Variants in RORA observed in about 807,000 individuals in gnomAD.
RORA encodes RAR related orphan receptor A, also known as nuclear receptor ROR-alpha.
Under a neutral mutation model 69.5 loss-of-function variants are expected in RORA, and 7 were observed. That is an observed-to-expected ratio of 0.10 (90% confidence interval 0.06 to 0.19). RORA has a LOEUF of 0.19. Ranked by LOEUF, RORA falls within the 10% of genes least tolerant of loss-of-function variation. The pLI is 1.00. For missense variants in RORA, 457 were observed against 663.0 expected (o/e 0.69, Z 3.41); for synonymous variants, 261 against 240.8 (o/e 1.08, Z -0.78).
intron 1 of RORA, among the ~76,000 whole-genome samples, chr15:60,731,495 G>T (rs1477946781): frequency 6.6e-6 from 1 of 152,178 alleles, no homozygotes; most frequent in African/African-American, 2.4e-5. Flanking sequence ...ACAGAAAAAA[G>T]TCAAAACAGC....
chr15:60,774,114 C>A (rs1290016247), intron 1 of RORA, among the ~76,000 whole-genome samples: 2 of 152,210 alleles, frequency 1.3e-5, no homozygotes, highest in Non-Finnish European at 2.9e-5. Context: ...TGGCCTGACT[C>A]AGACTGGAGG....
At chr15:60,635,990 G>A (rs2069831548) in intron 2 of RORA, among the ~76,000 whole-genome samples, 1 of 152,112 alleles carries the variant, frequency 6.6e-6, no homozygotes, top group Admixed American at 6.5e-5. Flanking sequence ...GGTAGCAGTG[G>A]TAGTGGTTAT....
intron 2 of RORA, among the ~76,000 whole-genome samples, chr15:60,662,623 G>A (rs955334381): frequency 6.9e-6 from 1 of 145,136 alleles, no homozygotes; most frequent in African/African-American, 2.6e-5. Context: ...AAATCCTAAC[G>A]AAGAACCTTA....
rs554357978 is a variant in RORA, at chr15:60,591,828, G to C, written c.197-59977C>G. Among the ~76,000 whole-genome samples, 799 of 152,094 alleles carry C rather than the reference G, an allele frequency of 5.3e-3. 3 individuals carry two copies. Among genetic ancestry groups the C allele is most frequent in the Middle Eastern group, 0.014 (4 of 290 alleles). ...AGCGCGGGACACAGCGCGGACCTGC[G>C]GCACTTGCCCGGCCGGCGGCCGCTG... On this transcript the variant is annotated intron_variant, in intron 2 of 10. Coordinates refer to ENST00000335670, the MANE Select transcript of RORA (RefSeq NM_134261.3).
chr15:60,535,786 A>G (rs2066657271), intron 2 of RORA, among the ~76,000 whole-genome samples: 1 of 152,156 alleles, frequency 6.6e-6, no homozygotes, highest in Admixed American at 6.5e-5. Flanking sequence ...TATAATAATA[A>G]TATCTACATG....
rs575633587 is a variant in RORA at position 61,154,597 on chromosome 15, C to G, written c.166+74456G>C. On this transcript the variant is annotated intron_variant, in intron 1 of 10. Coordinates refer to ENST00000335670, the MANE Select transcript of RORA (RefSeq NM_134261.3). Reference sequence around the variant, plus strand: ...GAGCCATTTGTTGCTAAGAGTAGTACAAATTTTAAAGTTTCAAAATAATTA... The same window carrying G: ...GAGCCATTTGTTGCTAAGAGTAGTAGAAATTTTAAAGTTTCAAAATAATTA... Among the ~76,000 whole-genome samples the G allele has an allele frequency of 3.9e-5, 6 of 152,262 alleles. No individual in the cohort carries two copies. In the South Asian group the frequency reaches 1.2e-3, roughly 32 times the overall value.
chr15:60,610,751 C>A (rs201304342), intron 2 of RORA, among the ~76,000 whole-genome samples: 25 of 151,998 alleles, frequency 1.6e-4, no homozygotes, highest in East Asian at 1.2e-3. Flanking sequence ...GGAAAAAAAA[C>A]CCCAAAAACC....
intron 2 of RORA, among the ~76,000 whole-genome samples, chr15:60,594,204 G>C (rs1479859875): frequency 6.6e-6 from 1 of 152,162 alleles, no homozygotes; most frequent in Non-Finnish European, 1.5e-5. Flanking sequence ...AGTTTCAAAT[G>C]AATCAGCCAT....
intron 2 of RORA, among the ~76,000 whole-genome samples, chr15:60,671,424 A>G (rs1195864333): frequency 6.6e-6 from 1 of 152,050 alleles, no homozygotes; most frequent in Non-Finnish European, 1.5e-5. Context: ...CATTAAGTAG[A>G]CATCAGTTCT....
At chr15:60,947,376 T>A (rs1236381250) in intron 1 of RORA, among the ~76,000 whole-genome samples, 1 of 152,174 alleles carries the variant, frequency 6.6e-6, no homozygotes, top group African/African-American at 2.4e-5. Flanking sequence ...GGGATGCTGT[T>A]GATCTTTGAC....
At chr15:60,522,198 ACT>A (rs1167727332) in intron 3 of RORA, among the ~76,000 whole-genome samples, 1 of 152,198 alleles carries the variant, frequency 6.6e-6, no homozygotes, top group Non-Finnish European at 1.5e-5. Context: ...TGATTATTTT[ACT>A]GTTATCAATG....
At chr15:60,887,785 C>T (rs2073767848) in intron 1 of RORA, among the ~76,000 whole-genome samples, 1 of 152,144 alleles carries the variant, frequency 6.6e-6, no homozygotes, top group Admixed American at 6.5e-5. Flanking sequence ...GAATCATGAC[C>T]TTGCCGGCAC....
chr15:60,943,455 A>G (rs1313249117), intron 1 of RORA, among the ~76,000 whole-genome samples: 1 of 152,062 alleles, frequency 6.6e-6, no homozygotes, highest in African/African-American at 2.4e-5. Flanking sequence ...TTATTTCTTG[A>G]TCAGGGTTTT....
intron 1 of RORA, among the ~76,000 whole-genome samples, chr15:61,022,808 T>C (rs1250990075): frequency 1.3e-5 from 2 of 152,124 alleles, no homozygotes; most frequent in Non-Finnish European, 2.9e-5. Context: ...AGGTTGAACA[T>C]AAATGCAGGT....
intron 1 of RORA, among the ~76,000 whole-genome samples, chr15:60,711,722 G>A (rs1400180867): frequency 6.6e-6 from 1 of 152,156 alleles, no homozygotes; most frequent in African/African-American, 2.4e-5. Flanking sequence ...TTCAGCTCAA[G>A]GGCTTAAGAA....
chr15:60,823,814 A>AT (rs1164355167), intron 1 of RORA, among the ~76,000 whole-genome samples: 1 of 152,216 alleles, frequency 6.6e-6, no homozygotes, highest in Non-Finnish European at 1.5e-5. Context: ...TAAAAAAAAA[A>AT]ATCAATGTAA....
At chr15:60,719,687 C>T (rs575971137) in intron 1 of RORA, among the ~76,000 whole-genome samples, 18 of 152,284 alleles carry the variant, frequency 1.2e-4, no homozygotes, top group African/African-American at 3.4e-4. Flanking sequence ...TGCTGCTGCT[C>T]CACAGAACTG....
At chr15:60,548,401 G>A (rs1432384725) in intron 2 of RORA, among the ~76,000 whole-genome samples, 3 of 151,658 alleles carry the variant, frequency 2.0e-5, no homozygotes, top group East Asian at 1.9e-4. Context: ...CTGGCATTTC[G>A]GGCACTGTGC....
At chr15:60,564,179 T>G (rs1346157090) in intron 2 of RORA, among the ~76,000 whole-genome samples, 1 of 152,234 alleles carries the variant, frequency 6.6e-6, no homozygotes, top group Non-Finnish European at 1.5e-5. Flanking sequence ...CACACTTCTG[T>G]GTGAACTTAT....
Sources: allele counts gnomAD v4.1 joint callset (sites outside exome capture counted in the v4.1 genomes callset), GRCh38; gene constraint gnomAD v4.1.1; transcripts MANE v1.5; gene names NCBI Gene and HGNC (gene_info 2026-07-23, HGNC 2026-07-21).